The following ZBBX variants were observed in gnomAD, a reference collection of about 807,000 sequenced individuals.
The protein encoded by ZBBX is zinc finger B-box domain containing.
In ZBBX, 101 loss-of-function variants were observed where a neutral mutation model predicts 108.5. The ratio of observed to expected loss-of-function variants is 0.93; its 90% CI spans 0.79 to 1.10. ZBBX has a LOEUF of 1.10. Ranked by LOEUF, ZBBX falls within the 50% of genes least tolerant of loss-of-function variation. The pLI, the probability that ZBBX is intolerant of heterozygous loss-of-function variation, is 0.00. For missense variants in ZBBX, 1,009 were observed against 941.4 expected, an observed-to-expected ratio of 1.07 and a Z score of -0.94; for synonymous variants, 356 against 323.4, an observed-to-expected ratio of 1.10 and a Z score of -1.08.
chr3:167,242,164 A>G (rs1297559973), intron 21 of ZBBX, among the ~76,000 whole-genome samples: 1 of 152,224 alleles, frequency 6.6e-6, no homozygotes, highest in Non-Finnish European at 1.5e-5. Context: ...CTATTAATAC[A>G]AAGTATTGAC....
chr3:167,364,924 A>G (rs890984514), intron 6 of ZBBX, among the ~76,000 whole-genome samples: 1 of 151,826 alleles, frequency 6.6e-6, no homozygotes, highest in African/African-American at 2.4e-5. Context: ...AATATCAATT[A>G]TATGTTTGAC....
intron 1 of ZBBX, among the ~76,000 whole-genome samples, chr3:167,395,497 G>T (rs1748207188): frequency 6.6e-6 from 1 of 150,806 alleles, no homozygotes; most frequent in Admixed American, 6.6e-5. Context: ...GTGGAATCCT[G>T]GCTCCTCATG....
At chr3:167,183,384 C>T in the ZBBX span, among the ~76,000 whole-genome samples, 7 of 152,192 alleles carry the variant, frequency 4.6e-5, no homozygotes, top group African/African-American at 1.2e-4. Context: ...TCCGGCGACC[C>T]TTTGACCCGG....
At chr3:167,266,618 C>G (rs539338907) in intron 20 of ZBBX, among the ~76,000 whole-genome samples, 1 of 152,202 alleles carries the variant, frequency 6.6e-6, no homozygotes, top group African/African-American at 2.4e-5. Context: ...CCCCAGCCCA[C>G]GGGGGAAGAA....
intron 4 of ZBBX, among the ~76,000 whole-genome samples, chr3:167,370,153 A>G (rs1291462197): frequency 6.6e-6 from 1 of 152,210 alleles, no homozygotes; most frequent in African/African-American, 2.4e-5. Context: ...TAGAAGCAAG[A>G]CAACCAATTA....
In ZBBX at chr3:167,385,354, C is replaced by CA. The variant is rs545885711; in HGVS notation, c.-445-4950dup. Among the ~76,000 whole-genome samples the CA allele has an allele frequency of 1.1e-3, 167 of 151,326 alleles. 2 individuals are homozygous for CA. In the South Asian group the frequency reaches 0.023, roughly 21 times the overall value. Reference sequence around the variant, plus strand: ...GACTGCCAAAATGCAGTATAAAAGACAAAAAAAATGGAATACCTATATAGG... The same window carrying CA: ...GACTGCCAAAATGCAGTATAAAAGACAAAAAAAAATGGAATACCTATATAGG... On this transcript the variant is annotated intron_variant, in intron 1 of 21. Transcript: ENST00000455345.
At chr3:167,179,169 G>A in the ZBBX span, among the ~76,000 whole-genome samples, 1 of 152,056 alleles carries the variant, frequency 6.6e-6, no homozygotes, top group Non-Finnish European at 1.5e-5. Context: ...ACACATACAT[G>A]TACATAAACT....
intron 12 of ZBBX, among the ~76,000 whole-genome samples, chr3:167,318,596 A>C (rs1465573094): frequency 6.6e-6 from 1 of 151,952 alleles, no homozygotes; most frequent in Non-Finnish European, 1.5e-5. Context: ...TAAAATTTTG[A>C]TAAAATTGAC....
At chr3:167,402,120 AG>A (rs1748442756) in intron 1 of ZBBX, among the ~76,000 whole-genome samples, 1 of 152,160 alleles carries the variant, frequency 6.6e-6, no homozygotes, top group Non-Finnish European at 1.5e-5. Context: ...AAGACTACCA[AG>A]CACAGTAATA....
chr3:167,232,950 G>T, the ZBBX span, among the ~76,000 whole-genome samples: 1 of 151,778 alleles, frequency 6.6e-6, no homozygotes, highest in South Asian at 2.1e-4. Context: ...GTCCTGAATT[G>T]TCACCTTTCC....
chr3:167,351,389 G>A (rs1384115274), intron 8 of ZBBX, among the ~76,000 whole-genome samples: 2 of 152,128 alleles, frequency 1.3e-5, no homozygotes, highest in Admixed American at 1.3e-4. Flanking sequence ...GTATCAAGTA[G>A]ATATTCACAT....
chr3:167,303,574 A>G (rs572491727), intron 17 of ZBBX, among the ~76,000 whole-genome samples: 18 of 152,318 alleles, frequency 1.2e-4, no homozygotes, highest in African/African-American at 3.6e-4. Context: ...TCAAGAGGCG[A>G]AATAACTAAA....
the ZBBX span, among the ~76,000 whole-genome samples, chr3:167,182,803 ACT>A: frequency 6.6e-6 from 1 of 151,528 alleles, no homozygotes; most frequent in East Asian, 2.0e-4. Context: ...TTACAAAAGG[ACT>A]GTTGGTCCAT....
intron 1 of ZBBX, among the ~76,000 whole-genome samples, chr3:167,395,838 A>G (rs1748218258): frequency 6.6e-6 from 1 of 152,018 alleles, no homozygotes; most frequent in Non-Finnish European, 1.5e-5. Context: ...AGAGAAAGCC[A>G]TGTAGCCTAC....
In ZBBX at chr3:167,269,039, C is replaced by A. The variant is rs1022564197; in HGVS notation, c.2254+13199G>T. On this transcript the variant is annotated intron_variant, in intron 20 of 21. Coordinates refer to ENST00000675490, the MANE Select transcript of ZBBX (RefSeq NM_001199201.2). ...GGTGTTACAGATGTGGAAGGGCAGG[C>A]CACTTCAAAAGAGAATGTCCCAAAT... Among the ~76,000 whole-genome samples, 10 of 152,258 alleles carry A rather than the reference C, an allele frequency of 6.6e-5. No individual in the cohort carries two copies. The East Asian group carries it at 1.2e-3, about 18-fold the overall frequency.
rs550476750 is a variant in ZBBX, at chr3:167,246,768, T to C, written c.2255-4125A>G. ...GCAACATCCAAAAACTGACAAAGTG[T>C]CTTTATAAGTAAGTTATACCAATAT... On this transcript the variant is annotated intron_variant, in intron 20 of 21. Coordinates refer to ENST00000675490, the MANE Select transcript of ZBBX (RefSeq NM_001199201.2). Among the ~76,000 whole-genome samples, 315 of 152,320 alleles carry C rather than the reference T, an allele frequency of 2.1e-3. 1 individual carries two copies. Among genetic ancestry groups the C allele is most frequent in the Non-Finnish European group, 3.6e-3 (244 of 68,030 alleles).
the ZBBX span, among the ~76,000 whole-genome samples, chr3:167,180,328 C>T: frequency 5.9e-5 from 9 of 152,142 alleles, no homozygotes; most frequent in Admixed American, 2.0e-4. Flanking sequence ...TAGAGCAGGT[C>T]GTATCCAATT....
the ZBBX span, among the ~76,000 whole-genome samples, chr3:167,180,351 T>C: frequency 1.3e-5 from 2 of 152,208 alleles, no homozygotes; most frequent in African/African-American, 2.4e-5. Flanking sequence ...TGTCCCATAG[T>C]AATTTTTGAA....
intron 1 of ZBBX, among the ~76,000 whole-genome samples, chr3:167,385,425 T>C (rs1747881233): frequency 6.6e-6 from 1 of 152,066 alleles, no homozygotes; most frequent in Non-Finnish European, 1.5e-5. Flanking sequence ...TTGCTTTGGA[T>C]GAGTGAGTAG....
Sources: gnomAD v4.1 joint callset for allele counts (sites outside exome capture counted in the v4.1 genomes callset) on GRCh38, gnomAD v4.1.1 for gene constraint, MANE v1.5 for transcripts, NCBI Gene and HGNC (gene_info 2026-07-23, HGNC 2026-07-21) for gene names.